Variants in UBE2E2 observed in about 807,000 individuals in gnomAD.
UBE2E2 encodes ubiquitin conjugating enzyme E2 E2.
UBE2E2 carries 6 observed loss-of-function variants against 24.7 expected under a neutral mutation model. That is an observed-to-expected ratio of 0.24 (90% CI 0.13 to 0.48). The LOEUF (loss-of-function observed/expected upper bound fraction) is 0.48, where lower values mean the gene tolerates loss of function less well. Among genes scored for constraint, UBE2E2 ranks in the 20% least tolerant of loss-of-function variants. The probability of loss-of-function intolerance (pLI) is 0.99; values close to 1 mark genes in which losing one functional copy is unlikely to be tolerated. For synonymous variants in UBE2E2, 104 were observed against 83.6 expected, an observed-to-expected ratio of 1.24 and a Z score of -1.33; for missense variants, 169 against 245.0, an observed-to-expected ratio of 0.69 and a Z score of 2.07.
chr3:23,348,924 A>G (rs1412294564), intron 3 of UBE2E2, among the ~76,000 whole-genome samples: 2 of 152,172 alleles, frequency 1.3e-5, no homozygotes, highest in South Asian at 2.1e-4. Context: ...GGCAGTTTTT[A>G]TAGGGTTCTG....
At chr3:23,270,146 C>G (rs1473186295) in intron 3 of UBE2E2, among the ~76,000 whole-genome samples, 1 of 120,702 alleles carries the variant, frequency 8.3e-6, no homozygotes, top group Admixed American at 1.0e-4. Flanking sequence ...TTCCACCCCC[C>G]TCCTCCTTTT....
chr3:23,489,840 G>A (rs973929904), intron 3 of UBE2E2, among the ~76,000 whole-genome samples: 3 of 152,094 alleles, frequency 2.0e-5, no homozygotes, highest in Admixed American at 1.3e-4. Context: ...TAATATTATC[G>A]CCTTTGAAAT....
intron 3 of UBE2E2, among the ~76,000 whole-genome samples, chr3:23,333,218 C>T (rs1695115465): frequency 6.6e-6 from 1 of 152,130 alleles, no homozygotes; most frequent in South Asian, 2.1e-4. Flanking sequence ...GAGTCCTGAG[C>T]TTCTAGAGCT....
intron 3 of UBE2E2, among the ~76,000 whole-genome samples, chr3:23,345,681 A>G (rs115698093): frequency 1.3e-5 from 2 of 152,212 alleles, no homozygotes; most frequent in African/African-American, 4.8e-5. Context: ...ATTACAGACA[A>G]TAAAATTATA....
chr3:23,427,259 CAAA>C (rs74787665), intron 3 of UBE2E2, among the ~76,000 whole-genome samples: 1 of 88,476 alleles, frequency 1.1e-5, no homozygotes. Flanking sequence ...CCATCTCTAC[CAAA>C]AAAAAAAAAA....
intron 5 of UBE2E2, among the ~76,000 whole-genome samples, chr3:23,587,337 C>T (rs1386846620): frequency 6.6e-6 from 1 of 152,178 alleles, no homozygotes; most frequent in Non-Finnish European, 1.5e-5. Context: ...TCCCTCCACC[C>T]CCTTTGAGCT....
At chr3:23,288,397 G>C (rs1373870281) in intron 3 of UBE2E2, among the ~76,000 whole-genome samples, 2 of 152,068 alleles carry the variant, frequency 1.3e-5, no homozygotes, top group Non-Finnish European at 2.9e-5. Flanking sequence ...TGCAGCCGTG[G>C]GACAAAATGT....
intron 3 of UBE2E2, among the ~76,000 whole-genome samples, chr3:23,341,177 A>G (rs1323858681): frequency 6.6e-6 from 1 of 152,216 alleles, no homozygotes; most frequent in Non-Finnish European, 1.5e-5. Context: ...TATTGGAGGT[A>G]AGACTACAGA....
chr3:23,396,387 A>G (rs1376704181), intron 3 of UBE2E2, among the ~76,000 whole-genome samples: 2 of 149,132 alleles, frequency 1.3e-5, no homozygotes, highest in East Asian at 1.9e-4. Flanking sequence ...TTATATATGT[A>G]TGTATATGTG....
At chr3:23,348,665 G>A (rs545023202) in intron 3 of UBE2E2, among the ~76,000 whole-genome samples, 1 of 152,218 alleles carries the variant, frequency 6.6e-6, no homozygotes, top group East Asian at 1.9e-4. Context: ...ATTCAGAGTG[G>A]GTGAGGCTAG....
chr3:23,291,625 G>A (rs1304526093), intron 3 of UBE2E2, among the ~76,000 whole-genome samples: 1 of 146,592 alleles, frequency 6.8e-6, no homozygotes, highest in Non-Finnish European at 1.5e-5. Flanking sequence ...GGCAAAATGA[G>A]AAAAATAAAA....
At chr3:23,336,827 C>G (rs1165664980) in intron 3 of UBE2E2, among the ~76,000 whole-genome samples, 1 of 152,058 alleles carries the variant, frequency 6.6e-6, no homozygotes, top group South Asian at 2.1e-4. Context: ...AACAGTGTTT[C>G]TCCATTTGCT....
At chr3:23,553,859 A>G (rs1695710096) in intron 5 of UBE2E2, among the ~76,000 whole-genome samples, 1 of 152,198 alleles carries the variant, frequency 6.6e-6, no homozygotes, top group Non-Finnish European at 1.5e-5. Flanking sequence ...AAAGACCTGT[A>G]CACTAGAAAA....
In UBE2E2 at chr3:23,277,468, C is replaced by G. The variant is rs1698397259; in HGVS notation, c.227+60156C>G. Reference sequence around the variant, plus strand: ...GTGTTTACTGTGTAAACCTCATAGACTATCTAACTCTAAGAACTAGAGCCA... The same window carrying G: ...GTGTTTACTGTGTAAACCTCATAGAGTATCTAACTCTAAGAACTAGAGCCA... On this transcript the variant is annotated intron_variant, in intron 3 of 5. Transcript: ENST00000396703. Among the ~76,000 whole-genome samples, 4 of 152,090 alleles carry G rather than the reference C, an allele frequency of 2.6e-5. No homozygotes were observed. In the South Asian group the frequency reaches 8.3e-4, roughly 31 times the overall value.
intron 5 of UBE2E2, among the ~76,000 whole-genome samples, chr3:23,554,680 C>T (rs1351411792): frequency 1.3e-5 from 2 of 152,122 alleles, no homozygotes; most frequent in Non-Finnish European, 2.9e-5. Context: ...ATTTCTTGAA[C>T]ATCACACCAA....
At position 23,503,125 on chromosome 3, in the gene UBE2E2, AG is replaced by A. The variant is rs549849033; in HGVS notation, c.360+3387del. Reference sequence around the variant, plus strand: ...AATGTTTTCATTCAGTATCTTTTTAAGGTAGAAGTTGCTTTGTTTTTTGGGG... The same window carrying A: ...AATGTTTTCATTCAGTATCTTTTTAAGTAGAAGTTGCTTTGTTTTTTGGGG... On this transcript the variant is annotated intron_variant, in intron 4 of 5. Coordinates refer to ENST00000396703, the MANE Select transcript of UBE2E2 (RefSeq NM_152653.4). 8.5e-3 allele frequency among the ~76,000 whole-genome samples: 1,298 copies of A among 151,816 alleles called. 15 individuals carry two copies. Among genetic ancestry groups the A allele is most frequent in the African/African-American group, 0.029 (1,188 of 41,444 alleles).
intron 3 of UBE2E2, among the ~76,000 whole-genome samples, chr3:23,434,982 T>C (rs1698150131): frequency 6.6e-6 from 1 of 152,206 alleles, no homozygotes; most frequent in South Asian, 2.1e-4. Context: ...GTATTTAGTA[T>C]CTGGAAAGCA....
intron 3 of UBE2E2, among the ~76,000 whole-genome samples, chr3:23,393,298 G>A (rs1348297731): frequency 6.6e-6 from 1 of 152,196 alleles, no homozygotes; most frequent in Non-Finnish European, 1.5e-5. Flanking sequence ...AAAAGTATCA[G>A]ATAGATGACA....
intron 3 of UBE2E2, among the ~76,000 whole-genome samples, chr3:23,448,978 G>A (rs73821809): frequency 0.17 from 26,159 of 151,942 alleles, 2,997 homozygotes; most frequent in African/African-American, 0.33. Flanking sequence ...GTTTTTCAAT[G>A]GCTTTTAGAA....
Sources: allele counts gnomAD v4.1 joint callset (sites outside exome capture counted in the v4.1 genomes callset), GRCh38; gene constraint gnomAD v4.1.1; transcripts MANE v1.5; gene names NCBI Gene and HGNC (gene_info 2026-07-23, HGNC 2026-07-21).